WNT5A: variants seen among roughly 807,000 people sequenced by gnomAD.
WNT5A encodes the protein protein Wnt-5a.
In WNT5A, 9 loss-of-function variants were observed where a neutral mutation model predicts 42.1. That is an observed-to-expected ratio of 0.21 (90% CI 0.13 to 0.37). WNT5A has a LOEUF of 0.37. Among genes scored for constraint, WNT5A ranks in the 10% least tolerant of loss-of-function variants. WNT5A has a pLI of 1.00. For missense variants in WNT5A, 426 were observed against 534.0 expected (o/e 0.80, Z 1.99); for synonymous variants, 210 against 210.0 (o/e 1.00, Z 0.00).
upstream of WNT5A, among the ~76,000 whole-genome samples, chr3:55,493,116 T>C (rs1011810687): frequency 6.6e-6 from 1 of 152,232 alleles, no homozygotes; most frequent in Non-Finnish European, 1.5e-5. Flanking sequence ...TTACCTTGTA[T>C]TGGGCAGTGC....
chr3:55,493,102 A>T (rs1002929702), upstream of WNT5A, among the ~76,000 whole-genome samples: 1 of 152,186 alleles, frequency 6.6e-6, no homozygotes, highest in African/African-American at 2.4e-5. Context: ...TTTACCTTGA[A>T]TTCTTACCTT....
Position 55,484,176 on chromosome 3 carries a change from G to C in WNT5A, c.6+2804C>G, listed in dbSNP as rs145540781. 1.7e-3 allele frequency among the ~76,000 whole-genome samples: 252 copies of C among 152,248 alleles called. 1 individual carries two copies. The highest frequency in any genetic ancestry group is 5.9e-3 in the African/African-American group (246 of 41,550). ...AGGGGAGGATGGGAAACTCCAAAAA[G>C]AATCTCCACTCTTGGTGGAAAAAGA... On this transcript the variant is annotated intron_variant, in intron 1 of 4. Coordinates refer to ENST00000264634, the MANE Select transcript of WNT5A (RefSeq NM_003392.7).
At chr3:55,496,474 A>C in the WNT5A span, among the ~76,000 whole-genome samples, 15 of 152,334 alleles carry the variant, frequency 9.8e-5, no homozygotes, top group African/African-American at 3.6e-4. Flanking sequence ...AGAATTCAGG[A>C]AAGTGAAGTG....
chr3:55,474,328 G>A lies in WNT5A; in HGVS notation c.684+9C>T, dbSNP rs2051307456. The A allele has an allele frequency of 3.7e-6, 6 of 1,612,706 alleles. No homozygotes were observed. Among genetic ancestry groups the A allele is most frequent in the Non-Finnish European group, 5.1e-6 (6 of 1,179,754 alleles). Reference sequence around the variant, plus strand: ...GAGATGCGGGGCGGGGGCGAGACGCGGCACTCACCCTGCGGCCGGCCTCGT... The same window carrying A: ...GAGATGCGGGGCGGGGGCGAGACGCAGCACTCACCCTGCGGCCGGCCTCGT... On this transcript the variant is annotated intron_variant, in intron 4 of 4. Coordinates refer to ENST00000264634, the MANE Select transcript of WNT5A (RefSeq NM_003392.7).
At chr3:55,484,119 G>A (rs1289793032) in intron 1 of WNT5A, among the ~76,000 whole-genome samples, 1 of 152,184 alleles carries the variant, frequency 6.6e-6, no homozygotes, top group African/African-American at 2.4e-5. Flanking sequence ...ATAGGCGGAA[G>A]AAGCCCATTT....
In WNT5A at chr3:55,487,254, T is replaced by G; in HGVS notation, c.-269A>C. 2.1e-6 allele frequency: 1 copy of G among 472,272 alleles called. No homozygotes were observed. Among genetic ancestry groups the G allele is most frequent in the Admixed American group, 4.0e-5 (1 of 25,124 alleles). The allele number at this position is 472,272 out of a possible 1,614,324, so 29.3% of individuals were successfully genotyped here. ...AGCCGGCAGCAAGGGCAGGGCCTGG[T>G]CGGGGCGCAACTAGGGAGCCGCCGG... On this transcript the variant is annotated 5_prime_UTR_variant, in exon 1 of 5. Transcript: ENST00000264634.
At chr3:55,495,029 A>T (rs2051701222), upstream of WNT5A, among the ~76,000 whole-genome samples, 1 of 152,174 alleles carries the variant, frequency 6.6e-6, no homozygotes, top group South Asian at 2.1e-4. Context: ...ATTTTTTAAA[A>T]TTTTTCTATA....
At chr3:55,489,287 A>ACG (rs545624261), upstream of WNT5A, 1,255 of 111,772 alleles carry the variant, frequency 0.011, 10 homozygotes, top group Middle Eastern at 0.021. Flanking sequence ...AGACACACAC[A>ACG]CGCGCGCACA....
chr3:55,491,854 G>A (rs2051663016), upstream of WNT5A, among the ~76,000 whole-genome samples: 1 of 152,252 alleles, frequency 6.6e-6, no homozygotes, highest in African/African-American at 2.4e-5. Context: ...CAGCAGGGCT[G>A]TGTGAGCAGG....
chr3:55,495,278 CT>C (rs1453138685), upstream of WNT5A, among the ~76,000 whole-genome samples: 1 of 152,194 alleles, frequency 6.6e-6, no homozygotes, highest in Admixed American at 6.5e-5. Flanking sequence ...TACAATAGAT[CT>C]TTTGAACTTA....
chr3:55,480,638 A>T, intron 2 of WNT5A, 147 bp downstream of exon 2: 1 of 849,808 alleles, frequency 1.2e-6, no homozygotes, highest in Non-Finnish European at 1.6e-6. Flanking sequence ...ATTCTGATTT[A>T]AAACTATATA....
At chr3:55,479,622 T>C (rs2051420998) in intron 2 of WNT5A, 58 bp from the exon 3 acceptor site, 2 of 1,530,784 alleles carry the variant, frequency 1.3e-6, no homozygotes, top group Admixed American at 1.9e-5. Context: ...GTGGGCCCCC[T>C]GAAAGCATGT....
chr3:55,481,043 G>GT, intron 1 of WNT5A, 125 bp from the exon 2 acceptor site: 2 of 1,102,996 alleles, frequency 1.8e-6, no homozygotes, highest in Non-Finnish European at 2.4e-6. Context: ...CTTCTCCTCC[G>GT]TGAGTTTTTT....
upstream of WNT5A, among the ~76,000 whole-genome samples, chr3:55,488,772 G>C (rs1036346964): frequency 1.1e-4 from 17 of 152,290 alleles, no homozygotes; most frequent in East Asian, 3.1e-3. Flanking sequence ...CAACTTCCCC[G>C]CCTGGACCCC....
At chr3:55,484,225 T>G (rs747009032) in intron 1 of WNT5A, among the ~76,000 whole-genome samples, 1 of 152,050 alleles carries the variant, frequency 6.6e-6, no homozygotes, top group Non-Finnish European at 1.5e-5. Context: ...CACTCTGATC[T>G]CTCCCTAAAG....
intron 4 of WNT5A, among the ~76,000 whole-genome samples, chr3:55,474,073 A>G (rs2051301331): frequency 6.6e-6 from 1 of 152,062 alleles, no homozygotes; most frequent in South Asian, 2.1e-4. Flanking sequence ...AGGTAGACAA[A>G]GGGGGAGAAG....
Position 55,474,398 on chromosome 3 carries a change from T to A in WNT5A, c.623A>T (p.Lys208Met). 1 of 1,612,728 alleles carries A rather than the reference T, an allele frequency of 6.2e-7. No individual in the cohort carries two copies. Among genetic ancestry groups the A allele is most frequent in the Non-Finnish European group, 8.5e-7 (1 of 1,179,746 alleles). ...GATGCGAGCACTCTCGTAGGAGCCC[T>A]TGGCGTGGATGCGCTCCCGCTCGCG... ...DARERERIHA[K>M]GSYESARILM... is the part of the protein sequence containing the mutation. Residue 208 changes from lysine (K) to methionine (M), a missense_variant, in exon 4 of 5, where the codon AAG becomes ATG. By Grantham distance (95) the Lys-to-Met change is moderately conservative. Coordinates refer to ENST00000264634, the MANE Select transcript of WNT5A (RefSeq NM_003392.7).
At chr3:55,477,148 C>A (rs575949644) in intron 3 of WNT5A, among the ~76,000 whole-genome samples, 1 of 152,290 alleles carries the variant, frequency 6.6e-6, no homozygotes, top group East Asian at 1.9e-4. Context: ...GGTGGGCACA[C>A]ACACACACAC....
the WNT5A span, among the ~76,000 whole-genome samples, chr3:55,504,997 A>G: frequency 7.3e-5 from 10 of 137,334 alleles, no homozygotes; most frequent in Admixed American, 3.5e-4. Context: ...AGGCTGTAAG[A>G]TTTGTTCCTG....
Sources: allele counts gnomAD v4.1 joint callset (sites outside exome capture counted in the v4.1 genomes callset), GRCh38; gene constraint gnomAD v4.1.1; transcripts MANE v1.5; gene names NCBI Gene and HGNC (gene_info 2026-07-23, HGNC 2026-07-21).